Variants in ZNF507 observed in about 807,000 individuals in gnomAD.
ZNF507 encodes the protein zinc finger protein 507.
Under a neutral mutation model 80.0 loss-of-function variants are expected in ZNF507, and 29 were observed. The ratio of observed to expected loss-of-function variants is 0.36; its 90% CI spans 0.27 to 0.49. The LOEUF (loss-of-function observed/expected upper bound fraction) is 0.49. Ranked by LOEUF, ZNF507 falls within the 20% of genes least tolerant of loss-of-function variation. The probability of loss-of-function intolerance (pLI) is 0.98; values close to 1 mark genes in which losing one functional copy is unlikely to be tolerated. For missense variants in ZNF507, 1,081 were observed against 1,152.2 expected, an observed-to-expected ratio of 0.94 and a Z score of 0.90; for synonymous variants, 462 against 422.5, an observed-to-expected ratio of 1.09 and a Z score of -1.15.
intron 5 of ZNF507, among the ~76,000 whole-genome samples, chr19:32,381,698 A>C (rs1366009157): frequency 6.6e-6 from 1 of 152,214 alleles, no homozygotes; most frequent in African/African-American, 2.4e-5. Flanking sequence ...ACTTTTGTTA[A>C]TAAAAATTTA....
chr19:32,346,458 A>C (rs1160470876), intron 1 of ZNF507, among the ~76,000 whole-genome samples: 1 of 152,218 alleles, frequency 6.6e-6, no homozygotes, highest in Admixed American at 6.5e-5. Context: ...ATCAGTCTGC[A>C]TCGCTCTTCT....
At chr19:32,376,457 C>T (rs1967548080) in intron 5 of ZNF507, among the ~76,000 whole-genome samples, 3 of 152,224 alleles carry the variant, frequency 2.0e-5, no homozygotes, top group East Asian at 1.9e-4. Context: ...GATCCTGGAG[C>T]GTCTCAGGTC....
At chr19:32,366,925 C>G (rs963364139) in intron 5 of ZNF507, among the ~76,000 whole-genome samples, 3 of 152,194 alleles carry the variant, frequency 2.0e-5, no homozygotes, top group Non-Finnish European at 4.4e-5. Flanking sequence ...CTGATAATTT[C>G]TGAGTTTGAG....
At chr19:32,352,393 A>T (rs931991049) in intron 2 of ZNF507, among the ~76,000 whole-genome samples, 3 of 152,172 alleles carry the variant, frequency 2.0e-5, no homozygotes, top group African/African-American at 7.2e-5. Context: ...CATTGGCTTT[A>T]CAGAGTGATG....
rs185596675 is a variant in ZNF507, at chr19:32,348,779, T to C, written c.-3+1441T>C. On this transcript the variant is annotated intron_variant, in intron 2 of 6. Transcript: ENST00000355898. ...TGTTTTGCTAATGCCTGTCGTCTTC[T>C]TTCCTCCTGGTGAACTTTCCTATTC... 1.1e-4 allele frequency among the ~76,000 whole-genome samples: 16 copies of C among 152,346 alleles called. 1 individual carries two copies. The highest frequency in any genetic ancestry group is 3.8e-4 in the African/African-American group (16 of 41,576).
At chr19:32,349,973 T>A (rs1000858002) in intron 2 of ZNF507, among the ~76,000 whole-genome samples, 7 of 152,160 alleles carry the variant, frequency 4.6e-5, no homozygotes, top group Admixed American at 6.5e-5. Flanking sequence ...CCAAGGAGAG[T>A]ATGCAGATTG....
chr19:32,374,132 C>G (rs959179008), intron 5 of ZNF507, among the ~76,000 whole-genome samples: 12 of 151,304 alleles, frequency 7.9e-5, no homozygotes, highest in African/African-American at 1.2e-4. Context: ...GCCATAGTAA[C>G]TGAAATTCAT....
Position 32,385,789 on chromosome 19 carries a change from CG to C in ZNF507, c.*2710del, listed in dbSNP as rs1967680276. ...CGTGATGGCACCATTGCACTCCAAC[CG>C]GGGTGACAGATGAGGTCCTCTGTTT... On this transcript the variant is annotated 3_prime_UTR_variant, in exon 7 of 7. Transcript: ENST00000355898. 1 of 151,902 alleles carries C rather than the reference CG, an allele frequency of 6.6e-6. No homozygotes were observed. The highest frequency in any genetic ancestry group is 2.1e-4 in the South Asian group (1 of 4,822). The allele number at this position is 151,902 out of a possible 1,614,324, so 9.4% of individuals were successfully genotyped here. A position where few individuals can be genotyped will look rare whatever the true frequency, so the allele number is the denominator to read the frequency against.
intron 2 of ZNF507, among the ~76,000 whole-genome samples, chr19:32,351,175 T>C (rs1373966320): frequency 6.6e-6 from 1 of 152,146 alleles, no homozygotes; most frequent in Non-Finnish European, 1.5e-5. Flanking sequence ...GGCCATGGAA[T>C]GCATGTGAGG....
chr19:32,363,528 A>G (rs926324743), intron 5 of ZNF507, among the ~76,000 whole-genome samples: 8 of 152,122 alleles, frequency 5.3e-5, no homozygotes, highest in Non-Finnish European at 1.0e-4. Flanking sequence ...CTGGGATTGA[A>G]TCTGAGCTCT....
Position 32,356,718 on chromosome 19 carries a change from A to G in ZNF507, c.2230A>G (p.Lys744Glu), listed in dbSNP as rs1481427367. ...AATTTCCAGTGATACAGCTGATGGA[A>G]AATGTGTCCAGGAAGGTATCTATGT... ...PRISSDTADG[K>E]CVQEGNKSSV... Residue 744 changes from lysine (K) to glutamate (E), a missense_variant, in exon 4 of 7, where the codon AAA becomes GAA. Lys to Glu is a moderately conservative substitution (Grantham distance 56, BLOSUM62 1). Around this residue, in one of 6 missense-constraint regions of ZNF507, gnomAD observed 614 missense variants for 583.9 expected, o/e 1.05. Coordinates refer to ENST00000355898, the MANE Select transcript of ZNF507 (RefSeq NM_001136156.2). 6.2e-7 allele frequency: 1 copy of G among 1,613,748 alleles called. No homozygotes were observed. The highest frequency in any genetic ancestry group is 2.2e-5 in the East Asian group (1 of 44,864).
At position 32,353,742 on chromosome 19, in the gene ZNF507, A is replaced by G. The variant is rs764116125; in HGVS notation, c.912A>G (p.Ala304=). The change falls in exon 3 of 7, where the codon GCA becomes GCG. Residue 304 remains alanine (A), a synonymous_variant. Coordinates refer to ENST00000355898, the MANE Select transcript of ZNF507 (RefSeq NM_001136156.2). ...SAAAAPGGVD[A]VVIAIGESEL... ...CTGCTGCGCCTGGTGGGGTCGATGC[A>G]GTCGTCATTGCTATTGGAGAGAGTG... is the stretch of plus-strand genomic sequence containing the variant. The G allele has an allele frequency of 1.9e-6, 3 of 1,614,114 alleles. No individual in the cohort carries two copies. Among genetic ancestry groups the G allele is most frequent in the Non-Finnish European group, 2.5e-6 (3 of 1,180,048 alleles).
chr19:32,384,386 T>C lies in ZNF507; in HGVS notation c.*1303T>C, dbSNP rs955402017. 2 of 152,190 alleles carry C rather than the reference T, an allele frequency of 1.3e-5. No individual in the cohort carries two copies. Among genetic ancestry groups the C allele is most frequent in the African/African-American group, 4.8e-5 (2 of 41,442 alleles). The allele number at this position is 152,190 out of a possible 1,614,324, so 9.4% of individuals were successfully genotyped here. On this transcript the variant is annotated 3_prime_UTR_variant, in exon 7 of 7. Transcript: ENST00000355898. ...TCAAGGAGTGAAGAAAACAGGGTGTTTTTGTTTTTGTAGTTCTGATTACTC... is the reference window on the plus strand; with the variant it reads ...TCAAGGAGTGAAGAAAACAGGGTGTCTTTGTTTTTGTAGTTCTGATTACTC...
chr19:32,372,767 A>G (rs1967491753), intron 5 of ZNF507, among the ~76,000 whole-genome samples: 1 of 151,832 alleles, frequency 6.6e-6, no homozygotes, highest in South Asian at 2.1e-4. Flanking sequence ...TCCACCCCCA[A>G]ACACAGAAAC....
In ZNF507 at chr19:32,383,287, GA is replaced by G. The variant is rs1421954789; in HGVS notation, c.*205del. On this transcript the variant is annotated 3_prime_UTR_variant, in exon 7 of 7. Transcript: ENST00000355898. ...GTAATGATATTTAAATATTTTGAGTGAGGGGGAGTGGGTCAAAGAGGAAGTA... is the reference window on the plus strand; with the variant it reads ...GTAATGATATTTAAATATTTTGAGTGGGGGGAGTGGGTCAAAGAGGAAGTA... 23 of 627,390 alleles carry G rather than the reference GA, an allele frequency of 3.7e-5. No homozygotes were observed. Among genetic ancestry groups the G allele is most frequent in the Non-Finnish European group, 7.9e-6 (3 of 379,480 alleles). 38.9% of individuals were successfully genotyped at this position (627,390 alleles called of 1,614,324 possible).
At position 32,360,604 on chromosome 19, in the gene ZNF507, TG is replaced by T; in HGVS notation, c.2347del (p.Asp783IlefsTer19). On this transcript the variant is annotated frameshift_variant, in exon 5 of 7. Transcript: ENST00000355898. LOFTEE classifies it high-confidence loss of function. ...GAAACCACAGGCGAATCCATAACTC[TG>T]ATAAGCCGTACAGGTAAGTGTTATG... ...VRNHRRIHNS[D>X]KPYRCSLCGY... The T allele has an allele frequency of 6.3e-7, 1 of 1,591,864 alleles. No individual in the cohort carries two copies. Among genetic ancestry groups the T allele is most frequent in the South Asian group, 1.2e-5 (1 of 86,752 alleles).
intron 5 of ZNF507, among the ~76,000 whole-genome samples, chr19:32,377,556 T>C (rs145749548): frequency 0.061 from 9,333 of 152,336 alleles, 533 homozygotes; most frequent in Admixed American, 0.2. Context: ...TATTTTATTA[T>C]ACTGGAACAG....
In ZNF507 at chr19:32,354,261, T is replaced by G. The variant is rs769948845; in HGVS notation, c.1431T>G (p.Asn477Lys). The G allele has an allele frequency of 1.4e-4, 234 of 1,614,036 alleles. No individual in the cohort carries two copies. Among genetic ancestry groups the G allele is most frequent in the Non-Finnish European group, 1.6e-4 (193 of 1,180,038 alleles). ...LMNKGLATDE[N>K]APPGRRRTNS... ...ATAAAGGCCTGGCTACTGATGAGAA[T>G]GCCCCACCAGGCCGGAGAAGGACAA... The change falls in exon 3 of 7, where the codon AAT becomes AAG. Residue 477 changes from asparagine to lysine, a missense_variant. Physicochemically the swap from Asn to Lys is moderately conservative, Grantham distance 94. This residue lies in a region of ZNF507 where 614 missense variants were observed against 583.9 expected (regional missense o/e 1.05). Coordinates refer to ENST00000355898, the MANE Select transcript of ZNF507 (RefSeq NM_001136156.2).
At position 32,385,400 on chromosome 19, in the gene ZNF507, C is replaced by T. The variant is rs1465800340; in HGVS notation, c.*2317C>T. 6.6e-6 allele frequency: 1 copy of T among 152,170 alleles called. No homozygotes were observed. Among genetic ancestry groups the T allele is most frequent in the Admixed American group, 6.5e-5 (1 of 15,280 alleles). 9.4% of individuals were successfully genotyped at this position (152,170 alleles called of 1,614,324 possible). On this transcript the variant is annotated 3_prime_UTR_variant, in exon 7 of 7. Transcript: ENST00000355898. The stretch of plus-strand genomic sequence containing the variant: ...AAGCATATATCAAGGAGGTTCTTTC[C>T]CTTCCCATTATCATTTTGTGGCAAG...
Sources: gnomAD v4.1 joint callset for allele counts (sites outside exome capture counted in the v4.1 genomes callset) on GRCh38, gnomAD v4.1.1 for gene constraint, gnomAD v4.1.1 regional missense constraint, MANE v1.5 for transcripts, NCBI Gene and HGNC (gene_info 2026-07-23, HGNC 2026-07-21) for gene names.